CACNB4: variants seen among roughly 807,000 people sequenced by gnomAD.
CACNB4 encodes the protein voltage-dependent L-type calcium channel subunit beta-4.
Under a neutral mutation model 71.2 loss-of-function variants are expected in CACNB4, and 32 were observed. That is an observed-to-expected ratio of 0.45 (90% CI 0.34 to 0.60). CACNB4 has a LOEUF of 0.60. Among genes scored for constraint, CACNB4 ranks in the 20% least tolerant of loss-of-function variants. CACNB4 has a pLI of 0.01. For synonymous variants in CACNB4, 231 were observed against 236.9 expected (o/e 0.97, Z 0.23); for missense variants, 464 against 647.9 (o/e 0.72, Z 3.08).
intron 2 of CACNB4, among the ~76,000 whole-genome samples, chr2:151,943,263 C>T (rs376409110): frequency 2.3e-4 from 35 of 152,280 alleles, no homozygotes; most frequent in Non-Finnish European, 4.1e-4. Context: ...AAAGAACCTA[C>T]GTTGAAATAT....
intron 2 of CACNB4, among the ~76,000 whole-genome samples, chr2:151,918,068 C>T (rs776681626): frequency 2.6e-5 from 4 of 152,118 alleles, no homozygotes; most frequent in Non-Finnish European, 4.4e-5. Flanking sequence ...GAAAAGGGTG[C>T]TACTGAGTTC....
chr2:152,027,930 G>GC (rs1337892893), intron 2 of CACNB4, among the ~76,000 whole-genome samples: 1 of 150,158 alleles, frequency 6.7e-6, no homozygotes, highest in African/African-American at 2.5e-5. Context: ...CTGCCTGAGA[G>GC]CCTGCCCAGC....
intron 5 of CACNB4, chr2:151,874,994 G>A (rs945826377): frequency 2.5e-6 from 1 of 400,248 alleles, no homozygotes; most frequent in Non-Finnish European, 4.4e-6. Context: ...GGTACTATCA[G>A]TGCCGGGACC....
At chr2:151,908,194 G>A (rs988013681) in intron 2 of CACNB4, among the ~76,000 whole-genome samples, 3 of 152,198 alleles carry the variant, frequency 2.0e-5, no homozygotes. Flanking sequence ...CTGTTAAGGT[G>A]CACAGGCATT....
chr2:151,889,357 T>C (rs2099850163), intron 2 of CACNB4, among the ~76,000 whole-genome samples: 1 of 151,684 alleles, frequency 6.6e-6, no homozygotes, highest in Non-Finnish European at 1.5e-5. Context: ...TCTCAGCTAC[T>C]TGGGAAGCTG....
At chr2:152,062,013 A>AAATAAT (rs10664776) in intron 2 of CACNB4, among the ~76,000 whole-genome samples, 8,290 of 141,108 alleles carry the variant, frequency 0.059, 288 homozygotes, top group African/African-American at 0.091. Context: ...TTCCATCTCA[A>AAATAAT]AATAATAATA....
chr2:151,839,379 T>C lies in CACNB4; in HGVS notation c.1303A>G (p.Ser435Gly), dbSNP rs752717348. The change falls in exon 14 of 14, where the codon AGT (serine) becomes GGT (glycine). Residue 435 changes from serine to glycine, a missense_variant and splice_region_variant. Physicochemically the swap from Ser to Gly is moderately conservative, Grantham distance 56. Transcript: ENST00000539935. ...TGGTTGCTGTGCCTCATTCGCTGAC[T>C]CTAAAAATATCAGATAGTTCATTGA... ...PYPTAISGLQ[S>G]QRMRHSNHST... The C allele has an allele frequency of 2.5e-6, 4 of 1,601,438 alleles. No individual in the cohort carries two copies. Among genetic ancestry groups the C allele is most frequent in the Non-Finnish European group, 3.4e-6 (4 of 1,170,330 alleles).
At chr2:151,898,904 G>A (rs1251767528) in intron 2 of CACNB4, among the ~76,000 whole-genome samples, 1 of 152,242 alleles carries the variant, frequency 6.6e-6, no homozygotes, top group Non-Finnish European at 1.5e-5. Flanking sequence ...GCAAGGGCCT[G>A]AGGACAGAGG....
In CACNB4 at chr2:152,098,824, G is replaced by C. The variant is rs529209177; in HGVS notation, c.63+125C>G. The C allele has an allele frequency of 2.0e-6, 2 of 989,756 alleles. No homozygotes were observed. Among genetic ancestry groups the C allele is most frequent in the Non-Finnish European group, 2.9e-6 (2 of 681,994 alleles). The allele number at this position is 989,756 out of a possible 1,614,324, so 61.3% of individuals were successfully genotyped here. On this transcript the variant is annotated intron_variant, in intron 1 of 13. Coordinates refer to ENST00000539935, the MANE Select transcript of CACNB4 (RefSeq NM_000726.5). This position sits in a 1 kb window ranked among gnomAD's most constrained non-coding sequence, Gnocchi z 5.3. Reference sequence around the variant, plus strand: ...GACGTGGAGGAGGGGTGGGGGGAGCGGGGCCGCCGACTCCCGGGACTGGGG... The same window carrying C: ...GACGTGGAGGAGGGGTGGGGGGAGCCGGGCCGCCGACTCCCGGGACTGGGG...
chr2:151,840,220 G>A (rs2099835819), intron 13 of CACNB4, among the ~76,000 whole-genome samples: 1 of 152,190 alleles, frequency 6.6e-6, no homozygotes, highest in Admixed American at 6.5e-5. Context: ...CTCATCTAAA[G>A]TACACTCAGA....
At chr2:152,094,127 G>A (rs1447164223) in intron 2 of CACNB4, among the ~76,000 whole-genome samples, 1 of 152,238 alleles carries the variant, frequency 6.6e-6, no homozygotes, top group African/African-American at 2.4e-5. Context: ...TTAAATAAAA[G>A]CGGTGGTGCT....
At chr2:151,997,666 GA>G (rs1682141564) in intron 2 of CACNB4, among the ~76,000 whole-genome samples, 1 of 152,194 alleles carries the variant, frequency 6.6e-6, no homozygotes, top group Admixed American at 6.5e-5. Flanking sequence ...CCAGACGCTG[GA>G]AGGTCAAGGA....
chr2:151,894,138 G>T (rs1431290677), intron 2 of CACNB4, among the ~76,000 whole-genome samples: 2 of 152,098 alleles, frequency 1.3e-5, no homozygotes, highest in African/African-American at 4.8e-5. Flanking sequence ...TCCAGCTTGG[G>T]CAACAGATCA....
chr2:151,924,279 C>T (rs1323801419), intron 2 of CACNB4, among the ~76,000 whole-genome samples: 1 of 151,176 alleles, frequency 6.6e-6, no homozygotes, highest in Non-Finnish European at 1.5e-5. Flanking sequence ...GGGGTTTCAC[C>T]GTGTTAGCCA....
intron 2 of CACNB4, among the ~76,000 whole-genome samples, chr2:152,063,741 G>T (rs779442156): frequency 6.6e-6 from 1 of 152,152 alleles, no homozygotes; most frequent in Admixed American, 6.5e-5. Context: ...TGTGAGGCGG[G>T]GGGCAGGGTT....
At position 151,855,292 on chromosome 2, in the gene CACNB4, G is replaced by A; in HGVS notation, c.952C>T (p.His318Tyr). ...GAAGTCTTTATAAGTTGTGCTGGGTGATTGATGGTGTCTGCATCAAGAACA... is the reference window on the plus strand; with the variant it reads ...GAAGTCTTTATAAGTTGTGCTGGGTAATTGATGGTGTCTGCATCAAGAACA... Reference protein sequence around the residue: ...LVVLDADTINHPAQLIKTSLA... With the variant: ...LVVLDADTINYPAQLIKTSLA... The change falls in exon 11 of 14, where the codon CAC becomes TAC. Residue 318 changes from histidine (H) to tyrosine (Y), a missense_variant. Physicochemically the swap from His to Tyr is moderately conservative, Grantham distance 83. Around this residue, in one of 3 missense-constraint regions of CACNB4, gnomAD observed 299 missense variants for 471.7 expected, o/e 0.63. Coordinates refer to ENST00000539935, the MANE Select transcript of CACNB4 (RefSeq NM_000726.5). 1 of 1,595,598 alleles carries A rather than the reference G, an allele frequency of 6.3e-7. No homozygotes were observed. Among genetic ancestry groups the A allele is most frequent in the Non-Finnish European group, 8.6e-7 (1 of 1,165,364 alleles).
At chr2:152,002,525 A>G (rs1267128176) in intron 2 of CACNB4, among the ~76,000 whole-genome samples, 1 of 152,244 alleles carries the variant, frequency 6.6e-6, no homozygotes, top group Non-Finnish European at 1.5e-5. Flanking sequence ...ATTGGAATCT[A>G]TTCATTTTAA....
At chr2:151,930,446 T>C (rs2099861353) in intron 2 of CACNB4, among the ~76,000 whole-genome samples, 1 of 152,218 alleles carries the variant, frequency 6.6e-6, no homozygotes, top group African/African-American at 2.4e-5. Context: ...ATCCAAATCC[T>C]TGAAGTCTTA....
At chr2:151,997,679 C>T (rs957352934) in intron 2 of CACNB4, among the ~76,000 whole-genome samples, 29 of 152,138 alleles carry the variant, frequency 1.9e-4, no homozygotes, top group African/African-American at 6.8e-4. Context: ...GGTCAAGGAA[C>T]GAAATTCTCC....
Sources: gnomAD v4.1 joint callset for allele counts (sites outside exome capture counted in the v4.1 genomes callset) on GRCh38, gnomAD v4.1.1 for gene constraint, gnomAD v4.1.1 regional missense constraint, Gnocchi (gnomAD v3.1) non-coding constraint, MANE v1.5 for transcripts, NCBI Gene and HGNC (gene_info 2026-07-23, HGNC 2026-07-21) for gene names.